FRMPD4: variants seen among roughly 807,000 people sequenced by gnomAD.
FRMPD4 encodes the protein FERM and PDZ domain-containing protein 4.
In FRMPD4, 22 loss-of-function variants were observed where a neutral mutation model predicts 94.1. That is an observed-to-expected ratio of 0.23 (90% CI 0.17 to 0.33). The LOEUF (loss-of-function observed/expected upper bound fraction) is 0.33, where lower values mean the gene tolerates loss of function less well. FRMPD4 is among the 10% of genes least tolerant of loss of function. The probability of loss-of-function intolerance (pLI) is 1.00; values close to 1 mark genes in which losing one functional copy is unlikely to be tolerated. For synonymous variants in FRMPD4, 631 were observed against 548.6 expected (o/e 1.15, Z -2.10); for missense variants, 1,111 against 1,339.9 (o/e 0.83, Z 2.67).
chrX:12,391,642 G>A (rs1172839724), intron 1 of FRMPD4, among the ~76,000 whole-genome samples: 2 of 111,226 alleles, frequency 1.8e-5, no homozygotes, highest in Non-Finnish European at 3.8e-5. Context: ...GGGAAGCCAC[G>A]TGCTTTGACT....
At chrX:12,490,834 A>AT (rs780787567) in intron 1 of FRMPD4, among the ~76,000 whole-genome samples, 6 of 111,084 alleles carry the variant, frequency 5.4e-5, no homozygotes, top group African/African-American at 6.5e-5. Flanking sequence ...CTGCATATTG[A>AT]TTTTTTTTAT....
intron 1 of FRMPD4, among the ~76,000 whole-genome samples, chrX:12,226,918 T>C (rs755061196): frequency 6.7e-4 from 74 of 110,406 alleles, no homozygotes; most frequent in Non-Finnish European, 1.2e-3. Context: ...TCAATATTTT[T>C]AAAAAATTGG....
At chrX:12,497,407 T>C (rs1376101969) in intron 1 of FRMPD4, among the ~76,000 whole-genome samples, 1 of 109,578 alleles carries the variant, frequency 9.1e-6, no homozygotes, top group Non-Finnish European at 1.9e-5. Context: ...TTTTTTGTTG[T>C]TGTTGTTTTA....
chrX:12,111,591 G>A (rs1601945882), intron 3 of FRMPD4, among the ~76,000 whole-genome samples: 1 of 111,498 alleles, frequency 9.0e-6, no homozygotes, highest in Admixed American at 9.5e-5. Flanking sequence ...AAACTAAAGA[G>A]CTTCTGCACA....
intron 2 of FRMPD4, among the ~76,000 whole-genome samples, chrX:12,511,550 AAAAC>A (rs2058042577): frequency 8.9e-6 from 1 of 111,793 alleles, no homozygotes. Flanking sequence ...ACAGAAAAAA[AAAAC>A]AAACTTAAAG....
intron 1 of FRMPD4, among the ~76,000 whole-genome samples, chrX:12,357,946 A>G (rs2055919699): frequency 8.9e-6 from 1 of 111,830 alleles, no homozygotes; most frequent in Non-Finnish European, 1.9e-5. Flanking sequence ...GCCTCTATAG[A>G]TGTACCTCTC....
chrX:12,620,245 G>T (rs2059275425), intron 4 of FRMPD4, among the ~76,000 whole-genome samples: 1 of 112,651 alleles, frequency 8.9e-6, no homozygotes, highest in African/African-American at 3.2e-5. Flanking sequence ...TCCAACTACA[G>T]ATCTTAAAGC....
intron 2 of FRMPD4, among the ~76,000 whole-genome samples, chrX:11,865,723 AT>A (rs1048179940): frequency 8.9e-6 from 1 of 111,977 alleles, no homozygotes; most frequent in Non-Finnish European, 1.9e-5. Flanking sequence ...AGGGCAGAAT[AT>A]GTTACTGGCA....
At chrX:12,668,526 T>C (rs1377466336) in intron 4 of FRMPD4, among the ~76,000 whole-genome samples, 1 of 110,020 alleles carries the variant, frequency 9.1e-6, no homozygotes, top group Non-Finnish European at 1.9e-5. Context: ...TAAAGTGTGC[T>C]GAGGAGTCCT....
rs975552806 is a variant in FRMPD4, at chrX:12,158,777, G to A, written c.41+19765G>A. 3.6e-5 allele frequency among the ~76,000 whole-genome samples: 4 copies of A among 111,910 alleles called. No homozygotes were observed. The Admixed American group carries it at 3.8e-4, about 11-fold the overall frequency. ...TGCTTATGTTAAACCGAGTTGCTCT[G>A]ATCATTCTCATGCCTGTTTTTTGGT... On this transcript the variant is annotated intron_variant, in intron 1 of 16. Coordinates refer to ENST00000675598, the MANE Select transcript of FRMPD4 (RefSeq NM_001368397.1).
chrX:11,870,570 A>G (rs1282861981), intron 2 of FRMPD4, among the ~76,000 whole-genome samples: 1 of 111,513 alleles, frequency 9.0e-6, no homozygotes, highest in Non-Finnish European at 1.9e-5. Context: ...CTGGGTTTTC[A>G]GCCCGGGGTG....
intron 1 of FRMPD4, among the ~76,000 whole-genome samples, chrX:12,359,008 T>A (rs2055939716): frequency 8.9e-6 from 1 of 112,151 alleles, no homozygotes; most frequent in Non-Finnish European, 1.9e-5. Flanking sequence ...TTTTTTTTTA[T>A]ATATTTAAAC....
intron 2 of FRMPD4, among the ~76,000 whole-genome samples, chrX:12,504,439 C>T (rs1282261078): frequency 8.9e-6 from 1 of 112,576 alleles, no homozygotes; most frequent in African/African-American, 3.2e-5. Flanking sequence ...CCCAAGCATC[C>T]AGTCAAGGGG....
intron 1 of FRMPD4, among the ~76,000 whole-genome samples, chrX:11,852,866 A>G (rs968271647): frequency 3.0e-4 from 34 of 111,726 alleles, no homozygotes; most frequent in Non-Finnish European, 1.3e-4. Flanking sequence ...ATTAACAAAT[A>G]TGTTCAGGAC....
intron 4 of FRMPD4, among the ~76,000 whole-genome samples, chrX:12,658,140 A>G (rs763892638): frequency 2.7e-5 from 3 of 112,181 alleles, no homozygotes; most frequent in Admixed American, 9.5e-5. Flanking sequence ...CAGTCAGAGC[A>G]GGAAAACCTC....
Position 12,470,550 on chromosome X carries a change from G to A in FRMPD4, c.42-28130G>A, listed in dbSNP as rs146653713. ...CAGCAAAAAGGGTAAATGTACTGAC[G>A]TCTTTGTGGCTAGGCTCACACATAT... On this transcript the variant is annotated intron_variant, in intron 1 of 16. Transcript: ENST00000675598. Among the ~76,000 whole-genome samples the A allele has an allele frequency of 2.9e-3, 322 of 111,949 alleles. 1 individual carries two copies. Among genetic ancestry groups the A allele is most frequent in the African/African-American group, 9.9e-3 (304 of 30,828 alleles).
chrX:12,142,948 CT>C (rs1271463574), intron 1 of FRMPD4, among the ~76,000 whole-genome samples: 1 of 112,158 alleles, frequency 8.9e-6, no homozygotes, highest in Admixed American at 9.5e-5. Context: ...CATTCTCCCC[CT>C]TTACATACAC....
At chrX:12,625,339 C>T (rs772421029) in intron 4 of FRMPD4, among the ~76,000 whole-genome samples, 2 of 111,488 alleles carry the variant, frequency 1.8e-5, no homozygotes, top group East Asian at 2.8e-4. Flanking sequence ...TCTGCACTCT[C>T]GTGTTTATTG....
chrX:11,839,226 A>G (rs1315187650), intron 1 of FRMPD4, among the ~76,000 whole-genome samples: 1 of 111,783 alleles, frequency 8.9e-6, no homozygotes, highest in Non-Finnish European at 1.9e-5. Context: ...TCAGTAGTAT[A>G]TAAGGGTTCT....
Sources: gnomAD v4.1 joint callset for allele counts (sites outside exome capture counted in the v4.1 genomes callset) on GRCh38, gnomAD v4.1.1 for gene constraint, MANE v1.5 for transcripts, NCBI Gene and HGNC (gene_info 2026-07-23, HGNC 2026-07-21) for gene names.